ADCY2: variants seen among roughly 807,000 people sequenced by gnomAD.
ADCY2 encodes adenylate cyclase 2.
In ADCY2, 31 loss-of-function variants were observed where a neutral mutation model predicts 125.2. The ratio of observed to expected loss-of-function variants is 0.25; its 90% confidence interval spans 0.19 to 0.33. The LOEUF is 0.33. Among genes scored for constraint, ADCY2 ranks in the 10% least tolerant of loss-of-function variants. The pLI, the probability that ADCY2 is intolerant of heterozygous loss-of-function variation, is 1.00. For missense variants in ADCY2, 904 were observed against 1,418.2 expected (o/e 0.64, Z 5.82); for synonymous variants, 512 against 548.4 (o/e 0.93, Z 0.93).
intron 4 of ADCY2, among the ~76,000 whole-genome samples, chr5:7,641,311 T>C (rs987083424): frequency 3.3e-5 from 5 of 152,282 alleles, no homozygotes; most frequent in African/African-American, 4.8e-5. Context: ...TCTCTATCTA[T>C]ATTTATTGTG....
At chr5:7,589,220 C>G (rs1314515362) in intron 3 of ADCY2, among the ~76,000 whole-genome samples, 9 of 151,930 alleles carry the variant, frequency 5.9e-5, no homozygotes, top group Non-Finnish European at 1.0e-4. Flanking sequence ...GGGTTTGCTA[C>G]TGTCTGATTT....
At chr5:7,678,819 C>G (rs1740219667) in intron 4 of ADCY2, among the ~76,000 whole-genome samples, 1 of 152,200 alleles carries the variant, frequency 6.6e-6, no homozygotes, top group African/African-American at 2.4e-5. Flanking sequence ...AGTGACAGAG[C>G]TGAGGCCAGA....
At chr5:7,732,011 G>A (rs957149422) in intron 14 of ADCY2, among the ~76,000 whole-genome samples, 3 of 152,134 alleles carry the variant, frequency 2.0e-5, no homozygotes, top group South Asian at 2.1e-4. Context: ...TTGTCTGTAC[G>A]TTCATCAACA....
intron 3 of ADCY2, among the ~76,000 whole-genome samples, chr5:7,609,818 A>G (rs1737510117): frequency 6.6e-6 from 1 of 152,232 alleles, no homozygotes; most frequent in South Asian, 2.1e-4. Context: ...GGAGAATAGC[A>G]GGAAGGCATT....
chr5:7,772,262 C>T (rs906090659), intron 17 of ADCY2, among the ~76,000 whole-genome samples: 1 of 152,152 alleles, frequency 6.6e-6, no homozygotes, highest in Non-Finnish European at 1.5e-5. Context: ...AAATGGCTCA[C>T]CTGGGGCAGG....
Position 7,824,797 on chromosome 5 carries a change from C to T in ADCY2, c.3124-1922C>T, listed in dbSNP as rs566936303. On this transcript the variant is annotated intron_variant, in intron 24 of 24. Transcript: ENST00000338316. ...TTGAGATCTGCGCATGGAGGATTCA[C>T]CCTGGTTCTGGGCGTCCCTGGATGC... Among the ~76,000 whole-genome samples the T allele has an allele frequency of 6.5e-4, 99 of 152,320 alleles. 1 individual carries two copies. The highest frequency in any genetic ancestry group is 2.2e-3 in the African/African-American group (93 of 41,568).
intron 3 of ADCY2, among the ~76,000 whole-genome samples, chr5:7,525,060 T>G (rs1734407868): frequency 6.6e-6 from 1 of 152,144 alleles, no homozygotes; most frequent in Non-Finnish European, 1.5e-5. Flanking sequence ...TGGAGTGCAG[T>G]GGTGTAATCT....
intron 3 of ADCY2, among the ~76,000 whole-genome samples, chr5:7,599,307 G>T (rs564101067): frequency 6.6e-6 from 1 of 152,298 alleles, no homozygotes; most frequent in East Asian, 1.9e-4. Flanking sequence ...GGAATGAAAA[G>T]GGGAGGACAC....
At chr5:7,418,875 G>C (rs571276179) in intron 2 of ADCY2, among the ~76,000 whole-genome samples, 11 of 152,144 alleles carry the variant, frequency 7.2e-5, no homozygotes, top group African/African-American at 2.6e-4. Flanking sequence ...GGCTGGCCTT[G>C]AACTTCTGAC....
chr5:7,778,290 G>A (rs1743807655), intron 18 of ADCY2, among the ~76,000 whole-genome samples: 2 of 152,164 alleles, frequency 1.3e-5, no homozygotes, highest in South Asian at 4.1e-4. Context: ...AGTCTCAAGG[G>A]ATGGGTGTTA....
chr5:7,546,787 C>CTTCT (rs1202489099), intron 3 of ADCY2, among the ~76,000 whole-genome samples: 4 of 152,164 alleles, frequency 2.6e-5, no homozygotes, highest in Non-Finnish European at 5.9e-5. Flanking sequence ...CTGTCTTCTC[C>CTTCT]TTCTTTCGTT....
intron 2 of ADCY2, among the ~76,000 whole-genome samples, chr5:7,469,972 A>T (rs1742277012): frequency 6.6e-6 from 1 of 151,764 alleles, no homozygotes; most frequent in African/African-American, 2.4e-5. Context: ...CTCAAAATTT[A>T]CATGAGGAAA....
intron 16 of ADCY2, among the ~76,000 whole-genome samples, chr5:7,760,065 C>G (rs959934143): frequency 1.3e-5 from 2 of 152,160 alleles, no homozygotes; most frequent in African/African-American, 4.8e-5. Flanking sequence ...CCACGAGCCA[C>G]AAGAATGCCT....
intron 19 of ADCY2, among the ~76,000 whole-genome samples, chr5:7,789,102 C>T (rs1009604075): frequency 5.9e-5 from 9 of 152,242 alleles, no homozygotes; most frequent in South Asian, 2.1e-4. Flanking sequence ...CTAAATGTAA[C>T]GAATGGCATT....
chr5:7,744,058 A>T (rs1742524465), intron 15 of ADCY2, among the ~76,000 whole-genome samples: 1 of 152,250 alleles, frequency 6.6e-6, no homozygotes, highest in African/African-American at 2.4e-5. Context: ...GAGTATTTAT[A>T]GCAGCAAATG....
intron 4 of ADCY2, among the ~76,000 whole-genome samples, chr5:7,652,779 A>G (rs1361052096): frequency 6.6e-6 from 1 of 152,162 alleles, no homozygotes; most frequent in Non-Finnish European, 1.5e-5. Context: ...GTTCTTCATG[A>G]GTGCCTGGGG....
chr5:7,549,454 G>A (rs1024269839), intron 3 of ADCY2, among the ~76,000 whole-genome samples: 6 of 152,214 alleles, frequency 3.9e-5, no homozygotes, highest in African/African-American at 1.2e-4. Flanking sequence ...GCAGGAAAAT[G>A]TAATTCCCCG....
At chr5:7,619,200 A>C (rs1737869475) in intron 3 of ADCY2, among the ~76,000 whole-genome samples, 1 of 152,186 alleles carries the variant, frequency 6.6e-6, no homozygotes, top group South Asian at 2.1e-4. Flanking sequence ...ATCAGATGCA[A>C]TTATCCAAAC....
At chr5:7,824,474 C>T (rs1352188248) in intron 24 of ADCY2, among the ~76,000 whole-genome samples, 2 of 152,194 alleles carry the variant, frequency 1.3e-5, no homozygotes, top group Non-Finnish European at 2.9e-5. Flanking sequence ...ACCAAAAGGC[C>T]ACTTTTGGTG....
Sources: gnomAD v4.1 joint callset for allele counts (sites outside exome capture counted in the v4.1 genomes callset) on GRCh38, gnomAD v4.1.1 for gene constraint, MANE v1.5 for transcripts, NCBI Gene and HGNC (gene_info 2026-07-23, HGNC 2026-07-21) for gene names.